NRXN1: variants seen among roughly 807,000 people sequenced by gnomAD.
NRXN1 encodes neurexin-1.
NRXN1 carries 39 observed loss-of-function variants against 150.9 expected under a neutral mutation model. That is an observed-to-expected ratio of 0.26 (90% confidence interval 0.20 to 0.34). The LOEUF (loss-of-function observed/expected upper bound fraction) is 0.34. Ranked by LOEUF, NRXN1 falls within the 10% of genes least tolerant of loss-of-function variation. NRXN1 has a pLI of 1.00. For synonymous variants in NRXN1, 924 were observed against 757.0 expected, an observed-to-expected ratio of 1.22 and a Z score of -3.62; for missense variants, 1,815 against 1,949.9, an observed-to-expected ratio of 0.93 and a Z score of 1.30.
chr2:50,101,424 C>CT (rs1450899131), intron 18 of NRXN1, among the ~76,000 whole-genome samples: 1 of 151,952 alleles, frequency 6.6e-6, no homozygotes, highest in Non-Finnish European at 1.5e-5. Flanking sequence ...ATTTCATTTA[C>CT]TTGTTATATC....
At position 50,346,012 on chromosome 2, in the gene NRXN1, G is replaced by A. The variant is rs573061183; in HGVS notation, c.3365-109042C>T. 7.9e-5 allele frequency among the ~76,000 whole-genome samples: 12 copies of A among 152,342 alleles called. No individual in the cohort carries two copies. In the South Asian group the frequency reaches 2.3e-3, roughly 29 times the overall value. ...AAAGACATATATTTATGTGCAGAGTGGATGGAAGGGGAATGGTGTCCAGAG... is the reference window on the plus strand; with the variant it reads ...AAAGACATATATTTATGTGCAGAGTAGATGGAAGGGGAATGGTGTCCAGAG... On this transcript the variant is annotated intron_variant, in intron 17 of 22. Transcript: ENST00000401669. This position sits in a 1 kb window ranked among gnomAD's most constrained non-coding sequence, Gnocchi z 5.0.
intron 8 of NRXN1, chr2:50,615,878 G>T (rs917132178): frequency 6.6e-6 from 1 of 151,986 alleles, no homozygotes; most frequent in African/African-American, 2.4e-5. Flanking sequence ...TAAAATGATC[G>T]AAAATTCTTA....
chr2:50,322,886 C>T (rs2076142641), intron 17 of NRXN1, among the ~76,000 whole-genome samples: 1 of 152,104 alleles, frequency 6.6e-6, no homozygotes, highest in Admixed American at 6.5e-5. Flanking sequence ...ATTCTAACAC[C>T]TACTCTAAAA....
At chr2:50,662,505 G>A (rs1204100330) in intron 5 of NRXN1, among the ~76,000 whole-genome samples, 1 of 152,002 alleles carries the variant, frequency 6.6e-6, no homozygotes, top group Admixed American at 6.6e-5. Context: ...CAACCTGTAG[G>A]CCGCAGGAGG....
intron 5 of NRXN1, among the ~76,000 whole-genome samples, chr2:50,706,937 A>C (rs1694525861): frequency 6.6e-6 from 1 of 152,094 alleles, no homozygotes. Flanking sequence ...AAATTTGAAC[A>C]ATCATGAGGT....
chr2:50,306,929 T>G (rs909213548), intron 17 of NRXN1, among the ~76,000 whole-genome samples: 1 of 152,322 alleles, frequency 6.6e-6, no homozygotes, highest in South Asian at 2.1e-4. Flanking sequence ...TATTAAACAA[T>G]ATATGCATTA....
intron 5 of NRXN1, among the ~76,000 whole-genome samples, chr2:50,915,247 G>A (rs1408261370): frequency 3.3e-5 from 5 of 151,696 alleles, no homozygotes; most frequent in Admixed American, 3.3e-4. Context: ...CCTTGAAAAT[G>A]TGGTATTCAG....
intron 2 of NRXN1, among the ~76,000 whole-genome samples, chr2:51,008,031 T>C (rs1307408189): frequency 1.3e-5 from 2 of 151,870 alleles, no homozygotes; most frequent in African/African-American, 4.8e-5. Context: ...AATAAACCTG[T>C]TTTGTATGCT....
At chr2:50,760,617 C>T (rs2105380520) in intron 5 of NRXN1, among the ~76,000 whole-genome samples, 1 of 151,868 alleles carries the variant, frequency 6.6e-6, no homozygotes, top group Non-Finnish European at 1.5e-5. Context: ...TCTCTCATTC[C>T]TATAACCAAT....
At chr2:50,295,005 T>G (rs532999201) in intron 17 of NRXN1, among the ~76,000 whole-genome samples, 7 of 152,320 alleles carry the variant, frequency 4.6e-5, no homozygotes, top group African/African-American at 1.7e-4. Flanking sequence ...AAGAATTTGA[T>G]TTGGGCAAAC....
intron 18 of NRXN1, among the ~76,000 whole-genome samples, chr2:50,099,214 T>G (rs1300550943): frequency 3.9e-5 from 6 of 152,072 alleles, no homozygotes; most frequent in African/African-American, 1.4e-4. Flanking sequence ...GTGTTAGTTT[T>G]TATATGCCCA....
At chr2:50,812,881 G>C (rs192325985) in intron 5 of NRXN1, among the ~76,000 whole-genome samples, 60 of 151,554 alleles carry the variant, frequency 4.0e-4, no homozygotes, top group Non-Finnish European at 5.9e-5. Context: ...TTGAAAAAAT[G>C]GTTTTAAATT....
At chr2:50,605,558 A>T (rs962583055) in intron 8 of NRXN1, among the ~76,000 whole-genome samples, 5 of 152,196 alleles carry the variant, frequency 3.3e-5, no homozygotes, top group Admixed American at 6.5e-5. Context: ...TCACCAGAGA[A>T]ATGCAAATTA....
At chr2:50,481,541 A>T (rs2090456181) in intron 15 of NRXN1, among the ~76,000 whole-genome samples, 1 of 152,160 alleles carries the variant, frequency 6.6e-6, no homozygotes, top group African/African-American at 2.4e-5. Context: ...GTTACTTTTC[A>T]ATTGTCTCCC....
intron 19 of NRXN1, among the ~76,000 whole-genome samples, chr2:50,088,293 A>C (rs946424626): frequency 6.6e-6 from 1 of 152,176 alleles, no homozygotes; most frequent in South Asian, 2.1e-4. Context: ...TGAAATTTTC[A>C]TGGCTTATTT....
chr2:50,706,103 C>T (rs528364593), intron 5 of NRXN1, among the ~76,000 whole-genome samples: 106 of 152,262 alleles, frequency 7.0e-4, no homozygotes, highest in African/African-American at 2.5e-3. Flanking sequence ...CTAGACATTG[C>T]TATCATGAGG....
At chr2:50,700,750 TAA>T (rs1693619712) in intron 5 of NRXN1, among the ~76,000 whole-genome samples, 1 of 152,100 alleles carries the variant, frequency 6.6e-6, no homozygotes, top group East Asian at 1.9e-4. Context: ...AATGTGAGGA[TAA>T]GTTTTTTATT....
intron 5 of NRXN1, among the ~76,000 whole-genome samples, chr2:50,782,363 G>A (rs533104122): frequency 7.2e-5 from 11 of 151,886 alleles, no homozygotes; most frequent in Admixed American, 4.0e-4. Context: ...CCAGCTACTC[G>A]GGAGGCTGAG....
At chr2:49,954,621 T>C (rs1674607242) in intron 21 of NRXN1, among the ~76,000 whole-genome samples, 1 of 152,150 alleles carries the variant, frequency 6.6e-6, no homozygotes, top group Non-Finnish European at 1.5e-5. Flanking sequence ...CTAAGTGTAA[T>C]TCATGCATGA....
Sources: gnomAD v4.1 joint callset for allele counts (sites outside exome capture counted in the v4.1 genomes callset) on GRCh38, gnomAD v4.1.1 for gene constraint, Gnocchi (gnomAD v3.1) non-coding constraint, MANE v1.5 for transcripts, NCBI Gene and HGNC (gene_info 2026-07-23, HGNC 2026-07-21) for gene names.